The following ASPH variants were observed in gnomAD, a reference collection of about 807,000 sequenced individuals.
ASPH encodes aspartate beta-hydroxylase.
A neutral mutation model predicts 118.4 loss-of-function variants in ASPH; 100 were observed. The observed-to-expected ratio is 0.84, with a 90% CI of 0.72 to 1.00. ASPH has a LOEUF of 1.00. ASPH is among the 50% of genes least tolerant of loss of function. ASPH has a pLI of 0.00. For missense variants in ASPH, 920 were observed against 919.5 expected, an observed-to-expected ratio of 1.00 and a Z score of -0.01; for synonymous variants, 315 against 325.6, an observed-to-expected ratio of 0.97 and a Z score of 0.35.
intron 3 of ASPH, among the ~76,000 whole-genome samples, chr8:61,680,340 C>A (rs1827433689): frequency 6.6e-6 from 1 of 151,774 alleles, no homozygotes; most frequent in Admixed American, 6.6e-5. Context: ...TTCTTTCCAG[C>A]AAGACAGCAC....
chr8:61,646,702 A>G (rs1403182257), intron 6 of ASPH, 48 bp downstream of exon 6: 1 of 1,554,584 alleles, frequency 6.4e-7, no homozygotes. Context: ...AGTAATTAGA[A>G]GTCATTGATT....
At chr8:61,566,734 C>A (rs573152874) in intron 17 of ASPH, among the ~76,000 whole-genome samples, 15 of 152,202 alleles carry the variant, frequency 9.9e-5, no homozygotes, top group African/African-American at 3.4e-4. Flanking sequence ...GAGGCAAGAC[C>A]CTCCATCAGC....
chr8:61,587,750 G>C (rs1412556323), intron 14 of ASPH, among the ~76,000 whole-genome samples: 1 of 152,046 alleles, frequency 6.6e-6, no homozygotes, highest in Non-Finnish European at 1.5e-5. Context: ...TATTGTACCT[G>C]TCTTTGAAAT....
Position 61,646,760 on chromosome 8 carries a change from T to C in ASPH, c.609A>G (p.Val203=), listed in dbSNP as rs1182272165. 4 of 1,613,472 alleles carry C rather than the reference T, an allele frequency of 2.5e-6. No homozygotes were observed. The highest frequency in any genetic ancestry group is 3.4e-6 in the Non-Finnish European group (4 of 1,179,654). ...AAAAAAGTGTTCTACCTTCATGAGA[T>C]ACTTCAGGTTCCAGGGTCTCAAATC... The part of the protein sequence containing the change: ...DDRFETLEPE[V]SHEETEHSYH... The change falls in exon 6 of 25, where the codon GTA becomes GTG. Residue 203 remains valine, a synonymous_variant. Coordinates refer to ENST00000379454, the MANE Select transcript of ASPH (RefSeq NM_004318.4).
intron 24 of ASPH, among the ~76,000 whole-genome samples, chr8:61,504,825 G>A (rs530287511): frequency 6.6e-6 from 1 of 152,268 alleles, no homozygotes; most frequent in Non-Finnish European, 1.5e-5. Context: ...CTGACATACT[G>A]AATAAGTCTG....
At chr8:61,582,722 C>G (rs574595726) in intron 15 of ASPH, among the ~76,000 whole-genome samples, 1 of 152,168 alleles carries the variant, frequency 6.6e-6, no homozygotes, top group African/African-American at 2.4e-5. Flanking sequence ...CATTCTTGTC[C>G]CATTTTAGTT....
At chr8:61,648,927 C>T (rs1048447566) in intron 5 of ASPH, among the ~76,000 whole-genome samples, 4 of 152,154 alleles carry the variant, frequency 2.6e-5, no homozygotes, top group Non-Finnish European at 5.9e-5. Context: ...GGAAACACAT[C>T]TCAGCAAAAG....
At chr8:61,669,585 A>G (rs975509567) in intron 3 of ASPH, among the ~76,000 whole-genome samples, 2 of 152,190 alleles carry the variant, frequency 1.3e-5, no homozygotes, top group Admixed American at 6.6e-5. Context: ...ACTCTCCACT[A>G]AAGTTTATTT....
intron 1 of ASPH, among the ~76,000 whole-genome samples, chr8:61,695,420 C>T (rs1833698684): frequency 6.6e-6 from 1 of 152,202 alleles, no homozygotes; most frequent in Admixed American, 6.5e-5. Flanking sequence ...GCTGCCTAGA[C>T]ACCTGCCCAA....
At position 61,656,855 on chromosome 8, in the gene ASPH, C is replaced by T. The variant is rs552151966; in HGVS notation, c.323-3195G>A. 2.0e-5 allele frequency: 3 copies of T among 152,246 alleles called. No homozygotes were observed. In the East Asian group the frequency reaches 5.8e-4, roughly 29 times the overall value. The allele number at this position is 152,246 out of a possible 1,614,324, so 9.4% of individuals were successfully genotyped here. On this transcript the variant is annotated intron_variant, in intron 3 of 24. Transcript: ENST00000379454. ...CACAAATACCCAAGCCCAGGATTAGCTTACTTTATTCACTGCTGCCCATAA... is the reference window on the plus strand; with the variant it reads ...CACAAATACCCAAGCCCAGGATTAGTTTACTTTATTCACTGCTGCCCATAA...
intron 13 of ASPH, chr8:61,625,675 A>T: frequency 1.0e-6 from 1 of 984,806 alleles, no homozygotes; most frequent in Non-Finnish European, 1.2e-6. Flanking sequence ...TAAAAGCTAC[A>T]AAAATTTCAA....
At chr8:61,602,393 T>C (rs1477751885) in intron 14 of ASPH, among the ~76,000 whole-genome samples, 1 of 151,270 alleles carries the variant, frequency 6.6e-6, no homozygotes, top group African/African-American at 2.5e-5. Context: ...TTTGACTAAA[T>C]CTAAAACCAA....
At chr8:61,578,131 T>C in intron 15 of ASPH, 1 of 1,393,438 alleles carries the variant, frequency 7.2e-7, no homozygotes, top group Non-Finnish European at 9.5e-7. Context: ...CCATTCAAAA[T>C]GGGAGAAATT....
chr8:61,624,107 T>G (rs1698662468), intron 13 of ASPH: 1 of 584,818 alleles, frequency 1.7e-6, no homozygotes, highest in Non-Finnish European at 2.2e-6. Context: ...AGATCTAGTA[T>G]TTGATAGCAA....
At chr8:61,714,234 G>A (rs1838820697) in intron 1 of ASPH, 35 bp downstream of exon 1, 5 of 1,445,188 alleles carry the variant, frequency 3.5e-6, no homozygotes, top group Non-Finnish European at 4.5e-6. Context: ...ACCCCGAGGC[G>A]AGGCCCCAGA....
At chr8:61,539,699 G>GGGGGGGTGTGTGTGTGTGTGTGTGT (rs1554618405) in intron 21 of ASPH, among the ~76,000 whole-genome samples, 5 of 124,214 alleles carry the variant, frequency 4.0e-5, no homozygotes, top group African/African-American at 1.4e-4. Flanking sequence ...ACACTTCTGG[G>GGGGGGGTGTGTGTGTGTGTGTGTGT]GTGTGTGTGT....
chr8:61,700,791 A>G (rs186363000), intron 1 of ASPH, among the ~76,000 whole-genome samples: 64 of 152,328 alleles, frequency 4.2e-4, no homozygotes, highest in Admixed American at 2.7e-3. Context: ...TAGCATACCT[A>G]TTCATCCCTT....
intron 14 of ASPH, among the ~76,000 whole-genome samples, chr8:61,591,844 TAG>T (rs1258609586): frequency 6.6e-6 from 1 of 152,162 alleles, no homozygotes; most frequent in Non-Finnish European, 1.5e-5. Context: ...GTCAAGAAAT[TAG>T]GGTGTTCCTA....
At chr8:61,510,498 A>G (rs964037040) in intron 24 of ASPH, among the ~76,000 whole-genome samples, 6 of 152,212 alleles carry the variant, frequency 3.9e-5, no homozygotes, top group Non-Finnish European at 8.8e-5. Flanking sequence ...ACCACCACAC[A>G]TCATTTACTA....
Sources: allele counts gnomAD v4.1 joint callset (sites outside exome capture counted in the v4.1 genomes callset), GRCh38; gene constraint gnomAD v4.1.1; transcripts MANE v1.5; gene names NCBI Gene and HGNC (gene_info 2026-07-23, HGNC 2026-07-21).